Variants in NRXN1 observed in about 807,000 individuals in gnomAD.
NRXN1 encodes the protein neurexin-1.
NRXN1 carries 39 observed loss-of-function variants against 150.9 expected under a neutral mutation model. The ratio of observed to expected loss-of-function variants is 0.26; its 90% CI spans 0.20 to 0.34. The LOEUF (loss-of-function observed/expected upper bound fraction) is 0.34, where lower values mean the gene tolerates loss of function less well. Ranked by LOEUF, NRXN1 falls within the 10% of genes least tolerant of loss-of-function variation. NRXN1 has a pLI of 1.00. For missense variants in NRXN1, 1,815 were observed against 1,949.9 expected (o/e 0.93, Z 1.30); for synonymous variants, 924 against 757.0 (o/e 1.22, Z -3.62).
At chr2:51,012,075 A>G (rs1667962506) in intron 2 of NRXN1, among the ~76,000 whole-genome samples, 1 of 151,970 alleles carries the variant, frequency 6.6e-6, no homozygotes, top group Non-Finnish European at 1.5e-5. Context: ...CTACCAGCCC[A>G]CCCCACTAAA....
At chr2:50,634,044 T>C (rs534863311) in intron 5 of NRXN1, among the ~76,000 whole-genome samples, 1 of 152,274 alleles carries the variant, frequency 6.6e-6, no homozygotes, top group Admixed American at 6.5e-5. Context: ...TTGAGCACAG[T>C]GACACTGGGG....
chr2:50,161,794 G>T (rs1229366642), intron 18 of NRXN1, among the ~76,000 whole-genome samples: 1 of 152,018 alleles, frequency 6.6e-6, no homozygotes, highest in Non-Finnish European at 1.5e-5. Context: ...TCTGTTTAGT[G>T]CCAGCCATGT....
intron 2 of NRXN1, among the ~76,000 whole-genome samples, chr2:50,984,489 T>C (rs1035083459): frequency 3.9e-5 from 6 of 152,018 alleles, no homozygotes; most frequent in Non-Finnish European, 4.4e-5. Context: ...GCCTAATATA[T>C]GTGCCTACTA....
At chr2:50,944,067 G>C (rs1397921029) in intron 2 of NRXN1, among the ~76,000 whole-genome samples, 1 of 152,164 alleles carries the variant, frequency 6.6e-6, no homozygotes, top group Non-Finnish European at 1.5e-5. Flanking sequence ...TTTTTGTTTA[G>C]ACAGAATTAA....
chr2:50,792,892 T>C (rs1706257652), intron 5 of NRXN1, among the ~76,000 whole-genome samples: 1 of 152,014 alleles, frequency 6.6e-6, no homozygotes, highest in Non-Finnish European at 1.5e-5. Flanking sequence ...CAAAGTAACA[T>C]AAGCTGTAAG....
intron 18 of NRXN1, among the ~76,000 whole-genome samples, chr2:50,231,542 A>G (rs1031599962): frequency 6.6e-6 from 1 of 152,130 alleles, no homozygotes; most frequent in African/African-American, 2.4e-5. Flanking sequence ...CTTCCGGCCC[A>G]GCAAAGTACA....
chr2:50,405,965 A>G (rs2082723346), intron 17 of NRXN1, among the ~76,000 whole-genome samples: 1 of 152,152 alleles, frequency 6.6e-6, no homozygotes, highest in African/African-American at 2.4e-5. Context: ...TGTTTTATAG[A>G]TGAGGAAATT....
At chr2:49,988,167 T>C (rs1681253581) in intron 21 of NRXN1, among the ~76,000 whole-genome samples, 1 of 152,034 alleles carries the variant, frequency 6.6e-6, no homozygotes, top group Non-Finnish European at 1.5e-5. Context: ...ACAGTCCTCC[T>C]AAATTAAAGG....
intron 18 of NRXN1, among the ~76,000 whole-genome samples, chr2:50,203,068 C>T (rs1446181494): frequency 6.6e-6 from 1 of 151,970 alleles, no homozygotes; most frequent in African/African-American, 2.4e-5. Flanking sequence ...TAATGAATGG[C>T]AAAACTGTGA....
chr2:50,122,478 T>G (rs745502982), intron 18 of NRXN1, among the ~76,000 whole-genome samples: 2 of 152,180 alleles, frequency 1.3e-5, no homozygotes, highest in African/African-American at 2.4e-5. Context: ...ATCACAAAAG[T>G]GCATGGTAAC....
At chr2:50,475,464 C>A (rs192178550) in intron 15 of NRXN1, among the ~76,000 whole-genome samples, 1 of 152,206 alleles carries the variant, frequency 6.6e-6, no homozygotes, top group Non-Finnish European at 1.5e-5. Flanking sequence ...AACTTACTTC[C>A]TTTTCCCACT....
chr2:50,531,473 G>A, intron 10 of NRXN1, 43 bp from the exon 11 acceptor site: 1 of 1,438,986 alleles, frequency 6.9e-7, no homozygotes, highest in Non-Finnish European at 9.7e-7. Context: ...GGATGGTATA[G>A]CGCATTAATA....
intron 17 of NRXN1, among the ~76,000 whole-genome samples, chr2:50,296,924 C>T (rs912635193): frequency 7.0e-6 from 1 of 142,126 alleles, no homozygotes; most frequent in African/African-American, 2.6e-5. Flanking sequence ...GCTCTTTCAT[C>T]CAGGCTGGAG....
At chr2:50,280,261 G>C (rs574282090) in intron 17 of NRXN1, among the ~76,000 whole-genome samples, 1 of 131,292 alleles carries the variant, frequency 7.6e-6, no homozygotes, top group South Asian at 2.7e-4. Flanking sequence ...CTGGGTCACA[G>C]AGCAAGAATC....
At chr2:50,705,008 A>G (rs1173705268) in intron 5 of NRXN1, among the ~76,000 whole-genome samples, 1 of 151,340 alleles carries the variant, frequency 6.6e-6, no homozygotes, top group Non-Finnish European at 1.5e-5. Context: ...TTAATAACTT[A>G]CGAATAAAAC....
chr2:50,325,516 T>C (rs1256306927), intron 17 of NRXN1, among the ~76,000 whole-genome samples: 1 of 152,220 alleles, frequency 6.6e-6, no homozygotes, highest in Admixed American at 6.5e-5. Flanking sequence ...GCTAGTATGA[T>C]TGACATTTTA....
intron 5 of NRXN1, among the ~76,000 whole-genome samples, chr2:50,830,486 GA>G (rs370336755): frequency 0.083 from 11,512 of 138,464 alleles, 500 homozygotes; most frequent in Middle Eastern, 0.16. Context: ...GTTTTTAAAT[GA>G]AAAAAAAAAA....
At chr2:50,221,721 T>C (rs1230606791) in intron 18 of NRXN1, among the ~76,000 whole-genome samples, 1 of 152,024 alleles carries the variant, frequency 6.6e-6, no homozygotes, top group Non-Finnish European at 1.5e-5. Context: ...TACATCTTTT[T>C]TCCACTACTG....
intron 2 of NRXN1, among the ~76,000 whole-genome samples, chr2:50,957,480 T>C (rs970482033): frequency 9.2e-5 from 14 of 152,124 alleles, no homozygotes; most frequent in African/African-American, 3.4e-4. Context: ...TATCCTGCAA[T>C]GCACACAATA....
Sources: allele counts gnomAD v4.1 joint callset (sites outside exome capture counted in the v4.1 genomes callset), GRCh38; gene constraint gnomAD v4.1.1; transcripts MANE v1.5; gene names NCBI Gene and HGNC (gene_info 2026-07-23, HGNC 2026-07-21).